The following ENOX1 variants were observed in gnomAD, a reference collection of about 807,000 sequenced individuals.
ENOX1 encodes ecto-NOX disulfide-thiol exchanger 1.
In ENOX1, 42 loss-of-function variants were observed where a neutral mutation model predicts 82.5. The ratio of observed to expected loss-of-function variants is 0.51; its 90% confidence interval spans 0.40 to 0.66. ENOX1 has a LOEUF of 0.66. Among genes scored for constraint, ENOX1 ranks in the 30% least tolerant of loss-of-function variants. The pLI, the probability that ENOX1 is intolerant of heterozygous loss-of-function variation, is 0.00. For synonymous variants in ENOX1, 271 were observed against 282.2 expected, an observed-to-expected ratio of 0.96 and a Z score of 0.40; for missense variants, 608 against 811.6, an observed-to-expected ratio of 0.75 and a Z score of 3.05.
chr13:43,768,554 G>A (rs115521701), intron 1 of ENOX1, among the ~76,000 whole-genome samples: 3 of 152,156 alleles, frequency 2.0e-5, no homozygotes, highest in Admixed American at 6.5e-5. Context: ...CCAGGAGTTC[G>A]AGGTTACAGT....
At chr13:43,659,296 C>T (rs2084601159) in intron 2 of ENOX1, among the ~76,000 whole-genome samples, 1 of 152,004 alleles carries the variant, frequency 6.6e-6, no homozygotes, top group Admixed American at 6.6e-5. Context: ...CAAGACCAGC[C>T]TGGCCAACAT....
At chr13:43,558,516 T>C (rs2079537036) in intron 2 of ENOX1, among the ~76,000 whole-genome samples, 1 of 152,220 alleles carries the variant, frequency 6.6e-6, no homozygotes, top group African/African-American at 2.4e-5. Context: ...TGCTTTGTGT[T>C]GGCTTCAGGA....
At chr13:43,464,066 A>G (rs1002456792) in intron 3 of ENOX1, among the ~76,000 whole-genome samples, 18 of 152,152 alleles carry the variant, frequency 1.2e-4, no homozygotes, top group African/African-American at 4.3e-4. Context: ...AACATTTCAG[A>G]AAGGTGTCCC....
chr13:43,711,245 G>A (rs1478617191), intron 1 of ENOX1, among the ~76,000 whole-genome samples: 1 of 152,012 alleles, frequency 6.6e-6, no homozygotes, highest in African/African-American at 2.4e-5. Context: ...CAAAGGACAT[G>A]AACTCATCAT....
intron 2 of ENOX1, among the ~76,000 whole-genome samples, chr13:43,521,351 CA>C (rs1772906739): frequency 6.6e-6 from 1 of 152,080 alleles, no homozygotes; most frequent in Admixed American, 6.6e-5. Context: ...ACATATTGTG[CA>C]GGGTACTATA....
chr13:43,784,828 T>G (rs1952475366), intron 1 of ENOX1, among the ~76,000 whole-genome samples: 1 of 152,222 alleles, frequency 6.6e-6, no homozygotes, highest in Non-Finnish European at 1.5e-5. Flanking sequence ...AGATAAGAAT[T>G]ACAATATTCT....
chr13:43,569,045 T>C (rs897033381), intron 2 of ENOX1, among the ~76,000 whole-genome samples: 3 of 152,146 alleles, frequency 2.0e-5, no homozygotes, highest in African/African-American at 7.2e-5. Flanking sequence ...ATGGCTGAGG[T>C]CTCTTTGGAA....
intron 1 of ENOX1, among the ~76,000 whole-genome samples, chr13:43,727,796 C>T (rs888739015): frequency 1.3e-5 from 2 of 152,088 alleles, no homozygotes; most frequent in Non-Finnish European, 2.9e-5. Context: ...CCTTTGGCTA[C>T]TAATATTATT....
chr13:43,589,382 C>T (rs2081140680), intron 2 of ENOX1, among the ~76,000 whole-genome samples: 1 of 151,998 alleles, frequency 6.6e-6, no homozygotes, highest in Admixed American at 6.6e-5. Flanking sequence ...CCTACCTGTC[C>T]CTGCCTACTC....
At chr13:43,613,954 T>C (rs2082302053) in intron 2 of ENOX1, among the ~76,000 whole-genome samples, 1 of 151,678 alleles carries the variant, frequency 6.6e-6, no homozygotes, top group Non-Finnish European at 1.5e-5. Flanking sequence ...AATAAATAAA[T>C]AAAGGAGGTA....
intron 1 of ENOX1, among the ~76,000 whole-genome samples, chr13:43,766,384 C>T (rs1439914134): frequency 6.6e-6 from 1 of 152,146 alleles, no homozygotes; most frequent in Non-Finnish European, 1.5e-5. Flanking sequence ...ACTTTCTTGT[C>T]ACAGAGAGAG....
intron 1 of ENOX1, among the ~76,000 whole-genome samples, chr13:43,772,749 TAAA>T (rs35359203): frequency 3.1e-4 from 35 of 112,090 alleles, no homozygotes; most frequent in African/African-American, 3.1e-4. Context: ...ACTCTGTCTT[TAAA>T]AAAAAAAAAA....
intron 2 of ENOX1, among the ~76,000 whole-genome samples, chr13:43,571,292 G>A (rs2080167416): frequency 6.6e-6 from 1 of 152,130 alleles, no homozygotes; most frequent in African/African-American, 2.4e-5. Context: ...AAAGCTTATG[G>A]TATACACTCC....
intron 2 of ENOX1, 56 bp downstream of exon 2, chr13:43,667,423 C>G: frequency 1.0e-6 from 1 of 980,612 alleles, no homozygotes; most frequent in Non-Finnish European, 1.2e-6. Context: ...ACATCCCTTC[C>G]CATATGGTGA....
chr13:43,463,044 C>T (rs2057560026), intron 3 of ENOX1, among the ~76,000 whole-genome samples: 2 of 152,282 alleles, frequency 1.3e-5, no homozygotes, highest in Admixed American at 6.5e-5. Flanking sequence ...AGGTAGAATG[C>T]TATTTTCTAA....
At chr13:43,463,996 A>G (rs375827116) in intron 3 of ENOX1, among the ~76,000 whole-genome samples, 1 of 152,192 alleles carries the variant, frequency 6.6e-6, no homozygotes, top group Non-Finnish European at 1.5e-5. Flanking sequence ...GACTATTTGC[A>G]GGCAAGAGGC....
chr13:43,379,838 T>C lies in ENOX1; in HGVS notation c.209-18386A>G, dbSNP rs2051904979. Reference sequence around the variant, plus strand: ...AGAATAGAAGGCACAAGAAACATGATAAAAGTATATGAGGGAACATCATAA... The same window carrying C: ...AGAATAGAAGGCACAAGAAACATGACAAAAGTATATGAGGGAACATCATAA... On this transcript the variant is annotated intron_variant, in intron 5 of 16. Coordinates refer to ENST00000690772, the MANE Select transcript of ENOX1 (RefSeq NM_001347969.2). Among the ~76,000 whole-genome samples the C allele has an allele frequency of 2.0e-5, 3 of 151,812 alleles. No individual in the cohort carries two copies. The South Asian group carries it at 6.2e-4, about 32-fold the overall frequency.
intron 1 of ENOX1, among the ~76,000 whole-genome samples, chr13:43,679,205 T>C (rs2085662473): frequency 6.6e-6 from 1 of 152,162 alleles, no homozygotes; most frequent in Admixed American, 6.5e-5. Context: ...AATAATTCCT[T>C]GAGGGTTTTT....
chr13:43,469,690 C>T (rs1231675391), intron 3 of ENOX1, among the ~76,000 whole-genome samples: 1 of 151,752 alleles, frequency 6.6e-6, no homozygotes, highest in Non-Finnish European at 1.5e-5. Flanking sequence ...TCAATTCTTC[C>T]CAAACTGATC....
Sources: gnomAD v4.1 joint callset for allele counts (sites outside exome capture counted in the v4.1 genomes callset) on GRCh38, gnomAD v4.1.1 for gene constraint, MANE v1.5 for transcripts, NCBI Gene and HGNC (gene_info 2026-07-23, HGNC 2026-07-21) for gene names.